PIKFYVE: variants seen among roughly 807,000 people sequenced by gnomAD.
PIKFYVE encodes 1-phosphatidylinositol 3-phosphate 5-kinase.
Under a neutral mutation model 257.9 loss-of-function variants are expected in PIKFYVE, and 122 were observed. The observed-to-expected ratio is 0.47, with a 90% CI of 0.41 to 0.55. The LOEUF (loss-of-function observed/expected upper bound fraction) is 0.55. PIKFYVE is among the 20% of genes least tolerant of loss of function. PIKFYVE has a pLI of 0.00. For missense variants in PIKFYVE, 2,160 were observed against 2,536.6 expected (o/e 0.85, Z 3.19); for synonymous variants, 892 against 868.9 (o/e 1.03, Z -0.47).
intron 34 of PIKFYVE, 85 bp downstream of exon 34, chr2:208,346,232 T>A: frequency 9.1e-7 from 1 of 1,096,064 alleles, no homozygotes. Context: ...AACAAATAAG[T>A]ACTATCTGGC....
rs908974591 is a variant in PIKFYVE at position 208,349,414 on chromosome 2, T to TA, written c.5375-603dup. 5.9e-5 allele frequency among the ~76,000 whole-genome samples: 9 copies of TA among 151,456 alleles called. No homozygotes were observed. In the East Asian group the frequency reaches 7.7e-4, roughly 13 times the overall value. ...GCTTGCAAAGCAAGTCAGTCACATA[T>TA]AAAAAAATAGCTCTGACATAGATTC... On this transcript the variant is annotated intron_variant, in intron 35 of 41. Coordinates refer to ENST00000264380, the MANE Select transcript of PIKFYVE (RefSeq NM_015040.4).
Position 208,326,382 on chromosome 2 carries a change from G to A in PIKFYVE, c.3571G>A (p.Asp1191Asn). ...SGQSGSKNEG[D>N]EERGLILSDA... Reference sequence around the variant, plus strand: ...CCAATCAGGAAGCAAAAATGAGGGTGATGAAGAGAGAGGGCTTATTCTGAG... The same window carrying A: ...CCAATCAGGAAGCAAAAATGAGGGTAATGAAGAGAGAGGGCTTATTCTGAG... The change falls in exon 20 of 42, where the codon GAT (aspartate) becomes AAT (asparagine). Residue 1191 changes from aspartate to asparagine, a missense_variant. By Grantham distance (23) the Asp-to-Asn change is conservative. This residue lies in a region of PIKFYVE where 522 missense variants were observed against 514.6 expected (regional missense o/e 1.01). Transcript: ENST00000264380. The A allele has an allele frequency of 6.2e-7, 1 of 1,614,048 alleles. No homozygotes were observed. The highest frequency in any genetic ancestry group is 8.5e-7 in the Non-Finnish European group (1 of 1,179,968).
chr2:208,299,697 G>A (rs1693445975), intron 8 of PIKFYVE, among the ~76,000 whole-genome samples: 1 of 152,170 alleles, frequency 6.6e-6, no homozygotes, highest in South Asian at 2.1e-4. Context: ...AAGCATGTTT[G>A]TTATACACAT....
At chr2:208,337,758 G>C (rs1405697885) in intron 28 of PIKFYVE, among the ~76,000 whole-genome samples, 1 of 151,992 alleles carries the variant, frequency 6.6e-6, no homozygotes, top group Non-Finnish European at 1.5e-5. Flanking sequence ...GTCTCACTCT[G>C]TCGTGCATGC....
At position 208,358,002 on chromosome 2, in the gene PIKFYVE, T is replaced by C. The variant is rs1700256567; in HGVS notation, c.*2697T>C. 1 of 152,142 alleles carries C rather than the reference T, an allele frequency of 6.6e-6. No individual in the cohort carries two copies. Among genetic ancestry groups the C allele is most frequent in the Non-Finnish European group, 1.5e-5 (1 of 68,014 alleles). The allele number at this position is 152,142 out of a possible 1,614,324, so 9.4% of individuals were successfully genotyped here. A position where few individuals can be genotyped will look rare whatever the true frequency, so the allele number is the denominator to read the frequency against. On this transcript the variant is annotated 3_prime_UTR_variant, in exon 42 of 42. Coordinates refer to ENST00000264380, the MANE Select transcript of PIKFYVE (RefSeq NM_015040.4). ...TTTTCTAATTCTGACCTAAGAAAAA[T>C]AATGAGAACAAGCTGTTGCAAGCTC... is the stretch of plus-strand genomic sequence containing the variant.
intron 9 of PIKFYVE, 96 bp from the exon 10 acceptor site, chr2:208,302,146 G>T: frequency 2.8e-6 from 3 of 1,053,868 alleles, no homozygotes; most frequent in Non-Finnish European, 4.3e-6. Flanking sequence ...ACTCTGATTA[G>T]AACTGAAAAA....
Position 208,285,925 on chromosome 2 carries a change from C to T in PIKFYVE, c.813C>T (p.Ala271=), listed in dbSNP as rs1028875611. 7 of 1,613,634 alleles carry T rather than the reference C, an allele frequency of 4.3e-6. No homozygotes were observed. Among genetic ancestry groups the T allele is most frequent in the Non-Finnish European group, 5.9e-6 (7 of 1,179,740 alleles). ...ACATATTTTTAGAGGATGATTTGGC[C>T]TGGCAAAGGTATTGTCCCTTAAATA... ...SRNIFLEDDL[A]WQSLIHPDSS... Residue 271 remains alanine (A), a synonymous_variant, in exon 6 of 42, where the codon GCC becomes GCT. Transcript: ENST00000264380.
In PIKFYVE at chr2:208,308,612, A is replaced by G. The variant is rs76412653; in HGVS notation, c.1636+3599A>G. Among the ~76,000 whole-genome samples the G allele has an allele frequency of 3.5e-3, 529 of 152,160 alleles. 1 individual carries two copies. The highest frequency in any genetic ancestry group is 0.012 in the African/African-American group (489 of 41,526). ...TCCCTTCACTCCCTCAACCTCTGGTAACCACCATTCTACTTAGTATGAGCT... is the reference window on the plus strand; with the variant it reads ...TCCCTTCACTCCCTCAACCTCTGGTGACCACCATTCTACTTAGTATGAGCT... On this transcript the variant is annotated intron_variant, in intron 12 of 41. Transcript: ENST00000264380.
intron 10 of PIKFYVE, chr2:208,302,618 G>A: frequency 2.4e-6 from 1 of 419,766 alleles, no homozygotes; most frequent in East Asian, 5.3e-5. Flanking sequence ...TTCAGTTGGT[G>A]TGGTAGTTCT....
At chr2:208,346,011 A>G (rs1574739498) in intron 33 of PIKFYVE, 39 bp from the exon 34 acceptor site, 1 of 1,505,408 alleles carries the variant, frequency 6.6e-7, no homozygotes, top group South Asian at 1.1e-5. Flanking sequence ...TTTGACTTGT[A>G]TAAAACTAAA....
chr2:208,323,908 C>A (rs577653656), intron 17 of PIKFYVE, among the ~76,000 whole-genome samples: 71 of 152,178 alleles, frequency 4.7e-4, no homozygotes, highest in African/African-American at 1.6e-3. Flanking sequence ...TAAATGTCTT[C>A]TTTTGAGAAG....
intron 16 of PIKFYVE, among the ~76,000 whole-genome samples, chr2:208,320,011 G>T (rs1398377489): frequency 6.6e-6 from 1 of 151,904 alleles, no homozygotes; most frequent in Non-Finnish European, 1.5e-5. Context: ...GAGTATAGAA[G>T]ATCAAAGTAG....
At position 208,340,065 on chromosome 2, in the gene PIKFYVE, C is replaced by T; in HGVS notation, c.4865C>T (p.Ser1622Leu). 6.2e-7 allele frequency: 1 copy of T among 1,613,970 alleles called. No individual in the cohort carries two copies. Residue 1622 changes from serine (S) to leucine (L), a missense_variant, in exon 31 of 42, where the codon TCA becomes TTA. By Grantham distance (145) the Ser-to-Leu change is moderately radical. Transcript: ENST00000264380. ...ACAGACAGCCAAGTGAAGGAAAAGT[C>T]AACCATGAAAGCCATCTTTGCAAAT... ...GSTDSQVKEKSTMKAIFANLL... is the reference protein window; with the variant it reads ...GSTDSQVKEKLTMKAIFANLL...
At chr2:208,322,716 CTTT>C (rs1696406130) in intron 17 of PIKFYVE, among the ~76,000 whole-genome samples, 1 of 151,530 alleles carries the variant, frequency 6.6e-6, no homozygotes, top group African/African-American at 2.4e-5. Context: ...TTTTATTACA[CTTT>C]AAGTTCTAGG....
chr2:208,281,611 G>A (rs1029799382), intron 5 of PIKFYVE, among the ~76,000 whole-genome samples: 1 of 152,196 alleles, frequency 6.6e-6, no homozygotes, highest in African/African-American at 2.4e-5. Flanking sequence ...TAGATCCTGA[G>A]TAAAATTAGC....
At chr2:208,283,668 C>T (rs1176921946) in intron 5 of PIKFYVE, among the ~76,000 whole-genome samples, 1 of 152,108 alleles carries the variant, frequency 6.6e-6, no homozygotes, top group Non-Finnish European at 1.5e-5. Context: ...GCAGCCTCAG[C>T]TTCCTGGGCT....
At chr2:208,314,634 C>A (rs537982040) in intron 14 of PIKFYVE, among the ~76,000 whole-genome samples, 1 of 152,302 alleles carries the variant, frequency 6.6e-6, no homozygotes, top group South Asian at 2.1e-4. Context: ...TGCAGTGGCT[C>A]ACGCCTGTAA....
rs548638838 is a variant in PIKFYVE at position 208,304,305 on chromosome 2, C to T, written c.1455C>T (p.Asp485=). 7 of 1,614,028 alleles carry T rather than the reference C, an allele frequency of 4.3e-6. No individual in the cohort carries two copies. Among genetic ancestry groups the T allele is most frequent in the Middle Eastern group, 1.6e-4 (1 of 6,062 alleles). The part of the protein sequence containing the change: ...SDTEQIAEEG[D]DNLANSASPS... ...CAGAACAGATAGCTGAAGAAGGTGA[C>T]GATAATTTGGCTAGTGAGTTTAACT... The change falls in exon 11 of 42, where the codon GAC becomes GAT. Residue 485 remains aspartate, a synonymous_variant. Transcript: ENST00000264380.
chr2:208,281,930 T>C (rs1690867158), intron 5 of PIKFYVE, among the ~76,000 whole-genome samples: 1 of 152,162 alleles, frequency 6.6e-6, no homozygotes, highest in Non-Finnish European at 1.5e-5. Context: ...CTGCAGGAGA[T>C]AAGGATTTCT....
Sources: gnomAD v4.1 joint callset for allele counts (sites outside exome capture counted in the v4.1 genomes callset) on GRCh38, gnomAD v4.1.1 for gene constraint, gnomAD v4.1.1 regional missense constraint, MANE v1.5 for transcripts, NCBI Gene and HGNC (gene_info 2026-07-23, HGNC 2026-07-21) for gene names.